Variants in KIF21B observed in about 807,000 individuals in gnomAD.
KIF21B encodes kinesin-like protein KIF21B.
In KIF21B, 85 loss-of-function variants were observed where a neutral mutation model predicts 192.9. The ratio of observed to expected loss-of-function variants is 0.44; its 90% confidence interval spans 0.37 to 0.53. The LOEUF (loss-of-function observed/expected upper bound fraction) is 0.53. Ranked by LOEUF, KIF21B falls within the 20% of genes least tolerant of loss-of-function variation. The pLI, the probability that KIF21B is intolerant of heterozygous loss-of-function variation, is 0.00. For synonymous variants in KIF21B, 832 were observed against 884.6 expected (o/e 0.94, Z 1.05); for missense variants, 1,716 against 2,194.8 (o/e 0.78, Z 4.36).
chr1:200,994,568 C>T (rs1656930030), intron 15 of KIF21B, among the ~76,000 whole-genome samples: 1 of 152,248 alleles, frequency 6.6e-6, no homozygotes. Context: ...AAACACAGGT[C>T]TACACATGAG....
chr1:201,004,695 C>T (rs758924017), intron 6 of KIF21B, 71 bp downstream of exon 6: 6 of 1,578,426 alleles, frequency 3.8e-6, no homozygotes, highest in Non-Finnish European at 1.7e-6. Flanking sequence ...AGGTGTAGGA[C>T]TGCAGGGCCT....
Position 200,979,651 on chromosome 1 carries a change from G to C in KIF21B, c.4044C>G (p.Pro1348=). Residue 1348 remains proline, a synonymous_variant, in exon 30 of 35, where the codon CCC becomes CCG. Transcript: ENST00000461742. ...GQEIAALKGH[P]NNVVSIKYCS... ...AGTACTTGATGGAGACCACGTTGTT[G>C]GGGTGGCCCTTTAGAGCTGCGATCT... 1 of 1,586,560 alleles carries C rather than the reference G, an allele frequency of 6.3e-7. No individual in the cohort carries two copies. Among genetic ancestry groups the C allele is most frequent in the Non-Finnish European group, 8.6e-7 (1 of 1,166,744 alleles).
intron 1 of KIF21B, among the ~76,000 whole-genome samples, chr1:201,011,581 A>C (rs1364015312): frequency 2.0e-5 from 3 of 152,250 alleles, no homozygotes; most frequent in Non-Finnish European, 4.4e-5. Context: ...GAGCAACCTT[A>C]GAAGGAGGAG....
chr1:200,977,120 T>C (rs1655607275), intron 31 of KIF21B, 92 bp downstream of exon 31: 1 of 1,443,910 alleles, frequency 6.9e-7, no homozygotes. Context: ...GCTGAGGTCC[T>C]ACCCACCCTG....
intron 3 of KIF21B, among the ~76,000 whole-genome samples, chr1:201,007,879 C>T (rs772983759): frequency 2.6e-5 from 4 of 152,198 alleles, no homozygotes; most frequent in Non-Finnish European, 5.9e-5. Context: ...TACAAACACA[C>T]AGTCATACAC....
chr1:200,989,716 C>A (rs1057512254), intron 21 of KIF21B, among the ~76,000 whole-genome samples: 1 of 152,246 alleles, frequency 6.6e-6, no homozygotes, highest in Admixed American at 6.5e-5. Context: ...GGCCACGTCC[C>A]TTACACACAG....
intron 1 of KIF21B, among the ~76,000 whole-genome samples, chr1:201,014,035 C>T (rs577665000): frequency 1.3e-5 from 2 of 152,358 alleles, no homozygotes; most frequent in East Asian, 1.9e-4. Context: ...AGAACAGAGC[C>T]GGGCCTATTT....
Position 200,998,323 on chromosome 1 carries a change from G to A in KIF21B, c.2077+61C>T. The A allele has an allele frequency of 1.3e-6, 2 of 1,502,438 alleles. No homozygotes were observed. The highest frequency in any genetic ancestry group is 1.8e-6 in the Non-Finnish European group (2 of 1,101,722). The allele number at this position is 1,502,438 out of a possible 1,614,324, so 93.1% of individuals were successfully genotyped here. A position where few individuals can be genotyped will look rare whatever the true frequency, so the allele number is the denominator to read the frequency against. ...CAACACACCAGCTGCTTTTGACAGA[G>A]GAGGGGCTCAGGGAAAAGGGAGGGT... On this transcript the variant is annotated intron_variant, in intron 14 of 34. Coordinates refer to ENST00000461742, the MANE Select transcript of KIF21B (RefSeq NM_001252102.2). This position sits in a 1 kb window ranked among gnomAD's most constrained non-coding sequence, Gnocchi z 4.3.
chr1:200,996,273 G>T lies in KIF21B; in HGVS notation c.2200C>A (p.Leu734Met). The T allele has an allele frequency of 6.2e-7, 1 of 1,614,128 alleles. No individual in the cohort carries two copies. The highest frequency in any genetic ancestry group is 1.7e-5 in the Admixed American group (1 of 60,014). The stretch of plus-strand genomic sequence containing the variant: ...TCGTAGCGCGACTGGTTCTTAAGCA[G>T]CCGGGCGTGCTCTTTCTGGGCGGCC... ...LQAAQKEHAR[L>M]LKNQSRYERE... The change falls in exon 15 of 35, where the codon CTG becomes ATG. Residue 734 changes from leucine to methionine, a missense_variant. By Grantham distance (15) the Leu-to-Met change is conservative (BLOSUM62 2). Around this residue, in one of 3 missense-constraint regions of KIF21B, gnomAD observed 1,087 missense variants for 1,316.6 expected, o/e 0.83. Coordinates refer to ENST00000461742, the MANE Select transcript of KIF21B (RefSeq NM_001252102.2).
chr1:200,974,809 G>A lies in KIF21B; in HGVS notation c.4719C>T (p.Asn1573=), dbSNP rs868255192. ...CACCGATGGGTGTGAAGTTGTCCACGTTCCAGACCTTGATGACACCCGCAC... is the reference window on the plus strand; with the variant it reads ...CACCGATGGGTGTGAAGTTGTCCACATTCCAGACCTTGATGACACCCGCAC... The part of the protein sequence containing the change: ...ACRAGVIKVW[N]VDNFTPIGEI... Residue 1573 remains asparagine, a synonymous_variant, in exon 34 of 35, where the codon AAC becomes AAT. Transcript: ENST00000461742. The A allele has an allele frequency of 1.7e-5, 27 of 1,614,246 alleles. No homozygotes were observed. The highest frequency in any genetic ancestry group is 1.6e-4 in the Middle Eastern group (1 of 6,062).
intron 1 of KIF21B, among the ~76,000 whole-genome samples, chr1:201,022,750 C>T (rs74138813): frequency 0.039 from 5,901 of 152,306 alleles, 345 homozygotes; most frequent in African/African-American, 0.13. Context: ...CCTCTTCCTC[C>T]CTTCCTAGGC....
At chr1:201,022,740 C>T (rs1243868496) in intron 1 of KIF21B, among the ~76,000 whole-genome samples, 2 of 152,232 alleles carry the variant, frequency 1.3e-5, no homozygotes, top group Admixed American at 6.5e-5. Context: ...CTCAGATACA[C>T]CTCTTCCTCC....
Position 201,003,530 on chromosome 1 carries a change from C to T in KIF21B, c.1212+56G>A, listed in dbSNP as rs533670237. ...GGGTGAGGCTGCAGGGCAGAGGGTG[C>T]ATATGGAGCACTAGCTCCAAGGGGA... On this transcript the variant is annotated intron_variant, in intron 8 of 34. Coordinates refer to ENST00000461742, the MANE Select transcript of KIF21B (RefSeq NM_001252102.2). The T allele has an allele frequency of 1.2e-5, 19 of 1,562,622 alleles. No homozygotes were observed. The South Asian group carries it at 1.9e-4, about 16-fold the overall frequency.
chr1:200,985,781 T>G (rs938692164), intron 26 of KIF21B, among the ~76,000 whole-genome samples: 5 of 44,970 alleles, frequency 1.1e-4, no homozygotes, highest in South Asian at 8.0e-4. Flanking sequence ...TCCCCTCCCC[T>G]TCCCCCTCCC....
Position 200,970,771 on chromosome 1 carries a change from C to T in KIF21B, c.*2750G>A, listed in dbSNP as rs1253152622. The T allele has an allele frequency of 1.3e-5, 2 of 152,376 alleles. No individual in the cohort carries two copies. Among genetic ancestry groups the T allele is most frequent in the African/African-American group, 2.4e-5 (1 of 41,462 alleles). 9.4% of individuals were successfully genotyped at this position (152,376 alleles called of 1,614,324 possible). A position where few individuals can be genotyped will look rare whatever the true frequency, so the allele number is the denominator to read the frequency against. ...GGCTAGGACTCAGCCTGAACTCAGG[C>T]GTTTAGAGATTTGGGGTGCGGGGTT... On this transcript the variant is annotated 3_prime_UTR_variant, in exon 35 of 35. Coordinates refer to ENST00000461742, the MANE Select transcript of KIF21B (RefSeq NM_001252102.2).
rs181706433 is a variant in KIF21B at position 200,984,647 on chromosome 1, C to T, written c.3803+212G>A. 2.0e-4 allele frequency among the ~76,000 whole-genome samples: 30 copies of T among 152,310 alleles called. 1 individual carries two copies. The East Asian group carries it at 4.8e-3, about 25-fold the overall frequency. On this transcript the variant is annotated intron_variant, in intron 27 of 34. Coordinates refer to ENST00000461742, the MANE Select transcript of KIF21B (RefSeq NM_001252102.2). ...CCTCCTTCTTGCCCTCTCCTGAGGT[C>T]CTGGCATTCTCAGGGGAGGAGAAGG...
Position 201,023,315 on chromosome 1 carries a change from C to CG in KIF21B, c.41+27dup. 1 of 1,519,030 alleles carries CG rather than the reference C, an allele frequency of 6.6e-7. No individual in the cohort carries two copies. The highest frequency in any genetic ancestry group is 8.8e-7 in the Non-Finnish European group (1 of 1,134,276). The allele number at this position is 1,519,030 out of a possible 1,614,324, so 94.1% of individuals were successfully genotyped here. On this transcript the variant is annotated intron_variant, in intron 1 of 34. Transcript: ENST00000461742. This position sits in a 1 kb window ranked among gnomAD's most constrained non-coding sequence, Gnocchi z 5.9. ...AGACAAAGCCCGAGGCTTCTCCGCGCGCCCCCTTCCCCGCCCCGGGTCCCT... is the reference window on the plus strand; with the variant it reads ...AGACAAAGCCCGAGGCTTCTCCGCGCGGCCCCCTTCCCCGCCCCGGGTCCCT...
intron 28 of KIF21B, among the ~76,000 whole-genome samples, 188 bp from the exon 29 acceptor site, chr1:200,981,284 A>T (rs552035653): frequency 1.7e-3 from 261 of 152,330 alleles, no homozygotes; most frequent in African/African-American, 6.2e-3. Context: ...CAGAGTGGAG[A>T]TAGCCTGTCT....
intron 3 of KIF21B, among the ~76,000 whole-genome samples, chr1:201,008,437 G>C (rs1470694964): frequency 6.6e-6 from 1 of 152,150 alleles, no homozygotes; most frequent in Non-Finnish European, 1.5e-5. Context: ...AAGGAAACAG[G>C]TACCACCCCA....
Sources: gnomAD v4.1 joint callset for allele counts (sites outside exome capture counted in the v4.1 genomes callset) on GRCh38, gnomAD v4.1.1 for gene constraint, gnomAD v4.1.1 regional missense constraint, Gnocchi (gnomAD v3.1) non-coding constraint, MANE v1.5 for transcripts, NCBI Gene and HGNC (gene_info 2026-07-23, HGNC 2026-07-21) for gene names.